Variants in SHROOM3 observed in about 807,000 individuals in gnomAD.
SHROOM3 encodes protein Shroom3.
In SHROOM3, 47 loss-of-function variants were observed where a neutral mutation model predicts 138.6. That is an observed-to-expected ratio of 0.34 (90% CI 0.27 to 0.43). The LOEUF is 0.43. SHROOM3 is among the 20% of genes least tolerant of loss of function. SHROOM3 has a pLI of 1.00. For synonymous variants in SHROOM3, 1,062 were observed against 1,063.3 expected, an observed-to-expected ratio of 1.00 and a Z score of 0.02; for missense variants, 2,491 against 2,596.5, an observed-to-expected ratio of 0.96 and a Z score of 0.88.
At chr4:76,615,549 T>C (rs1734856324) in intron 2 of SHROOM3, among the ~76,000 whole-genome samples, 1 of 152,186 alleles carries the variant, frequency 6.6e-6, no homozygotes, top group Non-Finnish European at 1.5e-5. Context: ...TTAATGACTG[T>C]TTTTTAGCTA....
At chr4:76,500,556 A>AT (rs1553918231) in intron 1 of SHROOM3, among the ~76,000 whole-genome samples, 10 of 151,580 alleles carry the variant, frequency 6.6e-5, no homozygotes, top group Non-Finnish European at 1.2e-4. Context: ...TGGTTATACC[A>AT]TTTTTTTTCC....
chr4:76,551,699 G>A (rs62300892), intron 1 of SHROOM3, among the ~76,000 whole-genome samples: 43,035 of 151,876 alleles, frequency 0.28, 6,389 homozygotes, highest in African/African-American at 0.33. Context: ...GGGACTGTGA[G>A]TGGGGAACAG....
At chr4:76,666,045 C>T (rs1718686542) in intron 2 of SHROOM3, among the ~76,000 whole-genome samples, 1 of 152,086 alleles carries the variant, frequency 6.6e-6, no homozygotes, top group African/African-American at 2.4e-5. Context: ...ACTGGGTCAC[C>T]CTTAGGACCC....
chr4:76,740,264 C>G lies in SHROOM3; in HGVS notation c.2091C>G (p.Val697=). Reference sequence around the variant, plus strand: ...CCGGGGGCAGGCCCACCTGTGCAGTCAACACCAAGGCAGAAGACCCTGGGA... The same window carrying G: ...CCGGGGGCAGGCCCACCTGTGCAGTGAACACCAAGGCAGAAGACCCTGGGA... The part of the protein sequence containing the change: ...GYPGGRPTCA[V]NTKAEDPGRK... The change falls in exon 5 of 11, where the codon GTC becomes GTG. Residue 697 remains valine (V), a synonymous_variant. Transcript: ENST00000296043. This position sits in a 1 kb window ranked among gnomAD's most constrained non-coding sequence, Gnocchi z 4.0. 6.2e-7 allele frequency: 1 copy of G among 1,613,230 alleles called. No individual in the cohort carries two copies. Among genetic ancestry groups the G allele is most frequent in the Non-Finnish European group, 8.5e-7 (1 of 1,180,032 alleles).
At chr4:76,760,115 T>A (rs532207997) in intron 9 of SHROOM3, among the ~76,000 whole-genome samples, 3 of 152,288 alleles carry the variant, frequency 2.0e-5, no homozygotes, top group Non-Finnish European at 4.4e-5. Context: ...TCTAGAAACT[T>A]TTTTTAGGGA....
At chr4:76,716,255 C>T (rs934329487) in intron 3 of SHROOM3, 2 of 510,108 alleles carry the variant, frequency 3.9e-6, no homozygotes, top group East Asian at 1.1e-4. Context: ...TTCAGGCCGT[C>T]CAACTGGAGG....
chr4:76,689,356 G>GAGCGCCGAGCGAGCGCCGAGCC (rs1553937015), intron 2 of SHROOM3, among the ~76,000 whole-genome samples: 5 of 149,366 alleles, frequency 3.3e-5, no homozygotes, highest in Non-Finnish European at 7.5e-5. Context: ...GGTGGCGAGC[G>GAGCGCCGAGCGAGCGCCGAGCC]AGCGCCGAGC....
intron 2 of SHROOM3, among the ~76,000 whole-genome samples, chr4:76,598,026 C>A (rs904940527): frequency 1.5e-5 from 2 of 137,674 alleles, no homozygotes; most frequent in African/African-American, 5.5e-5. Flanking sequence ...AAATCTATGA[C>A]TTTTTTTTTT....
Position 76,522,264 on chromosome 4 carries a change from T to C in SHROOM3, c.169-33345T>C, listed in dbSNP as rs182488172. 2.7e-5 allele frequency among the ~76,000 whole-genome samples: 4 copies of C among 148,342 alleles called. No homozygotes were observed. The Admixed American group carries it at 2.7e-4, about 10-fold the overall frequency. Reference sequence around the variant, plus strand: ...TGCTATATATTATATACTTATGATATTAAGTATATATTATATACTAATAAA... The same window carrying C: ...TGCTATATATTATATACTTATGATACTAAGTATATATTATATACTAATAAA... On this transcript the variant is annotated intron_variant, in intron 1 of 10. Transcript: ENST00000296043.
chr4:76,773,272 G>A (rs1722430956), intron 10 of SHROOM3, among the ~76,000 whole-genome samples: 1 of 151,742 alleles, frequency 6.6e-6, no homozygotes, highest in Non-Finnish European at 1.5e-5. Flanking sequence ...TACTCAGGAG[G>A]CTGAGGCAGG....
At chr4:76,515,823 T>C (rs1435975328) in intron 1 of SHROOM3, among the ~76,000 whole-genome samples, 5 of 152,208 alleles carry the variant, frequency 3.3e-5, no homozygotes, top group Admixed American at 3.3e-4. Flanking sequence ...GTGGTCTTTC[T>C]TCTAAGCTAG....
intron 2 of SHROOM3, among the ~76,000 whole-genome samples, chr4:76,699,517 G>A (rs1427928032): frequency 6.6e-6 from 1 of 152,214 alleles, no homozygotes; most frequent in Admixed American, 6.5e-5. Context: ...ACGGCCTTGT[G>A]CAGGTGTCCT....
intron 2 of SHROOM3, among the ~76,000 whole-genome samples, chr4:76,654,583 C>A (rs556021097): frequency 6.6e-6 from 1 of 152,138 alleles, no homozygotes; most frequent in South Asian, 2.1e-4. Flanking sequence ...AGAGTGAAAG[C>A]AGGGAGACAA....
chr4:76,705,327 A>G (rs1720020810), intron 2 of SHROOM3, among the ~76,000 whole-genome samples: 1 of 152,068 alleles, frequency 6.6e-6, no homozygotes, highest in Non-Finnish European at 1.5e-5. Context: ...AACAACAACA[A>G]CAACAACAAA....
At chr4:76,569,672 TAGTTTTCC>T (rs1358075340) in intron 2 of SHROOM3, among the ~76,000 whole-genome samples, 4 of 151,550 alleles carry the variant, frequency 2.6e-5, no homozygotes, top group Admixed American at 1.3e-4. Flanking sequence ...CCAGTTTTCC[TAGTTTTCC>T]AGTTTTCTTC....
chr4:76,748,223 A>G (rs902215217), intron 5 of SHROOM3, among the ~76,000 whole-genome samples: 1 of 152,200 alleles, frequency 6.6e-6, no homozygotes, highest in African/African-American at 2.4e-5. Context: ...CAGTTAACCC[A>G]TTGGGCAGGG....
At chr4:76,620,721 T>C (rs914785314) in intron 2 of SHROOM3, among the ~76,000 whole-genome samples, 5 of 152,056 alleles carry the variant, frequency 3.3e-5, no homozygotes, top group African/African-American at 9.7e-5. Context: ...GGCAGGGGGC[T>C]GTGTGGCAAT....
chr4:76,460,461 T>A (rs1271202617), intron 1 of SHROOM3, among the ~76,000 whole-genome samples: 2 of 152,116 alleles, frequency 1.3e-5, no homozygotes, highest in African/African-American at 2.4e-5. Flanking sequence ...ACACCATCGG[T>A]TGTTTATTAG....
intron 2 of SHROOM3, among the ~76,000 whole-genome samples, chr4:76,617,304 C>T (rs1371703321): frequency 6.6e-6 from 1 of 152,166 alleles, no homozygotes; most frequent in Non-Finnish European, 1.5e-5. Context: ...ATGCTAGCTG[C>T]TGTTGTTGTT....
Sources: gnomAD v4.1 joint callset for allele counts (sites outside exome capture counted in the v4.1 genomes callset) on GRCh38, gnomAD v4.1.1 for gene constraint, Gnocchi (gnomAD v3.1) non-coding constraint, MANE v1.5 for transcripts, NCBI Gene and HGNC (gene_info 2026-07-23, HGNC 2026-07-21) for gene names.